Variants in CMIP observed in about 807,000 individuals in gnomAD.
CMIP encodes C-Maf-inducing protein.
A neutral mutation model predicts 97.3 loss-of-function variants in CMIP; 13 were observed. The ratio of observed to expected loss-of-function variants is 0.13; its 90% CI spans 0.09 to 0.21. The LOEUF (loss-of-function observed/expected upper bound fraction) is 0.21, where lower values mean the gene tolerates loss of function less well. CMIP is among the 10% of genes least tolerant of loss of function. CMIP has a pLI of 1.00. For synonymous variants in CMIP, 538 were observed against 436.3 expected (o/e 1.23, Z -2.91); for missense variants, 847 against 1,024.9 (o/e 0.83, Z 2.37).
intron 3 of CMIP, among the ~76,000 whole-genome samples, chr16:81,650,161 C>A (rs1336752890): frequency 6.6e-6 from 1 of 152,176 alleles, no homozygotes; most frequent in African/African-American, 2.4e-5. Context: ...TGTACACTCA[C>A]CCCCGACAAC....
At chr16:81,472,077 C>G (rs559402293) in intron 1 of CMIP, among the ~76,000 whole-genome samples, 40 of 152,296 alleles carry the variant, frequency 2.6e-4, no homozygotes, top group African/African-American at 9.1e-4. Flanking sequence ...GCCGTGTACA[C>G]ACACACTCAC....
chr16:81,529,219 A>C (rs1202047282), intron 1 of CMIP, among the ~76,000 whole-genome samples: 2 of 152,256 alleles, frequency 1.3e-5, no homozygotes, highest in Non-Finnish European at 2.9e-5. Flanking sequence ...TCTGGAGGTC[A>C]CAATGCTATT....
At chr16:81,522,767 A>G (rs995502241) in intron 1 of CMIP, among the ~76,000 whole-genome samples, 2 of 152,096 alleles carry the variant, frequency 1.3e-5, no homozygotes, top group African/African-American at 2.4e-5. Context: ...GAAATAAAAC[A>G]TTACTGGAAA....
At chr16:81,693,925 C>A (rs1906402960) in intron 13 of CMIP, among the ~76,000 whole-genome samples, 1 of 152,228 alleles carries the variant, frequency 6.6e-6, no homozygotes, top group African/African-American at 2.4e-5. Context: ...GTGTCCCTCA[C>A]CAAAGCTGGG....
intron 1 of CMIP, among the ~76,000 whole-genome samples, chr16:81,468,657 A>G (rs999824058): frequency 1.6e-4 from 24 of 152,170 alleles, no homozygotes; most frequent in African/African-American, 5.6e-4. Context: ...GGGAGAAGAG[A>G]GTTATGGACA....
chr16:81,687,224 C>T (rs917974257), intron 10 of CMIP, among the ~76,000 whole-genome samples: 1 of 152,210 alleles, frequency 6.6e-6, no homozygotes, highest in Admixed American at 6.5e-5. Flanking sequence ...AGCCATCCAC[C>T]CAGCCCGGGG....
At chr16:81,451,763 G>A (rs183313746) in intron 1 of CMIP, among the ~76,000 whole-genome samples, 98 of 152,264 alleles carry the variant, frequency 6.4e-4, no homozygotes, top group Admixed American at 3.9e-3. Context: ...ACAGAACAAG[G>A]GTCTGTGCAG....
At chr16:81,625,418 T>A (rs1438526158) in intron 3 of CMIP, among the ~76,000 whole-genome samples, 4 of 152,270 alleles carry the variant, frequency 2.6e-5, no homozygotes, top group Non-Finnish European at 4.4e-5. Flanking sequence ...CAGATGTACC[T>A]CCTGGCTCAT....
Position 81,453,159 on chromosome 16 carries a change from A to T in CMIP, c.300+7618A>T, listed in dbSNP as rs183994587. 2.6e-5 allele frequency among the ~76,000 whole-genome samples: 4 copies of T among 152,248 alleles called. No individual in the cohort carries two copies. Among genetic ancestry groups the T allele is most frequent in the South Asian group, 2.1e-4 (1 of 4,824 alleles). On this transcript the variant is annotated intron_variant, in intron 1 of 20. Transcript: ENST00000537098. The surrounding 1 kb of genome is among the most constrained non-coding windows in gnomAD (Gnocchi z 4.0). ...GGCTCAGCAGCCCACCTGGGATTCA[A>T]ACCCAGACTCCTGCCTTCCCATGGC...
chr16:81,507,953 T>TG (rs751985989), intron 1 of CMIP, among the ~76,000 whole-genome samples: 1 of 152,208 alleles, frequency 6.6e-6, no homozygotes, highest in Non-Finnish European at 1.5e-5. Context: ...TTGCCTTTCT[T>TG]GGTTTATTTC....
At chr16:81,565,183 AAGAC>A (rs2090957270) in intron 1 of CMIP, among the ~76,000 whole-genome samples, 1 of 152,192 alleles carries the variant, frequency 6.6e-6, no homozygotes, top group Non-Finnish European at 1.5e-5. Context: ...CCCAGCCCCA[AAGAC>A]AGGGCAGTAT....
Position 81,469,053 on chromosome 16 carries a change from C to A in CMIP, c.300+23512C>A, listed in dbSNP as rs562347903. Among the ~76,000 whole-genome samples the A allele has an allele frequency of 3.3e-5, 5 of 152,342 alleles. No individual in the cohort carries two copies. In the South Asian group the frequency reaches 1.0e-3, roughly 32 times the overall value. Reference sequence around the variant, plus strand: ...CCTAATTCTTTGCCCCGATTTGGATCAACCTTAGGCCCAAGAACCTGGCAA... The same window carrying A: ...CCTAATTCTTTGCCCCGATTTGGATAAACCTTAGGCCCAAGAACCTGGCAA... On this transcript the variant is annotated intron_variant, in intron 1 of 20. Transcript: ENST00000537098.
chr16:81,654,395 T>C (rs2092461491), intron 4 of CMIP, among the ~76,000 whole-genome samples: 1 of 152,216 alleles, frequency 6.6e-6, no homozygotes, highest in Non-Finnish European at 1.5e-5. Flanking sequence ...TGAGGGTGCT[T>C]CTTGGGCTTT....
At chr16:81,610,922 C>T (rs2091821580) in intron 2 of CMIP, among the ~76,000 whole-genome samples, 1 of 152,114 alleles carries the variant, frequency 6.6e-6, no homozygotes, top group African/African-American at 2.4e-5. Context: ...AGAACAACCC[C>T]TTTGGCCCTG....
chr16:81,670,936 C>G (rs1319545233), intron 8 of CMIP, among the ~76,000 whole-genome samples: 1 of 152,122 alleles, frequency 6.6e-6, no homozygotes, highest in Non-Finnish European at 1.5e-5. Flanking sequence ...TCAAGCAATT[C>G]TCCTGCCTCA....
chr16:81,617,015 C>G (rs530384844), intron 2 of CMIP: 2 of 152,490 alleles, frequency 1.3e-5, no homozygotes, highest in South Asian at 4.1e-4. Flanking sequence ...CCCAGTCTGG[C>G]AGGGCCAGAA....
rs774836578 is a variant in CMIP at position 81,708,736 on chromosome 16, G to T, written c.2269-1010G>T. Among the ~76,000 whole-genome samples, 3 of 152,236 alleles carry T rather than the reference G, an allele frequency of 2.0e-5. No homozygotes were observed. In the South Asian group the frequency reaches 6.2e-4, roughly 32 times the overall value. On this transcript the variant is annotated intron_variant, in intron 20 of 20. Coordinates refer to ENST00000537098, the MANE Select transcript of CMIP (RefSeq NM_198390.3). ...AGAACCTTGAAATCTAGATTCGTCT[G>T]TGAAGTCTCCTAATTTTGAAAGGCT...
intron 4 of CMIP, among the ~76,000 whole-genome samples, chr16:81,653,639 GCAGGTGC>G (rs1369900124): frequency 2.0e-5 from 3 of 152,226 alleles, no homozygotes; most frequent in Non-Finnish European, 4.4e-5. Flanking sequence ...AGTAAGCCAG[GCAGGTGC>G]CAGGTGCCAC....
At chr16:81,617,904 C>T (rs2091941592) in intron 2 of CMIP, among the ~76,000 whole-genome samples, 1 of 152,216 alleles carries the variant, frequency 6.6e-6, no homozygotes, top group South Asian at 2.1e-4. Context: ...ATACAGGGCA[C>T]TTTGGCGGGG....
Sources: allele counts gnomAD v4.1 joint callset (sites outside exome capture counted in the v4.1 genomes callset), GRCh38; gene constraint gnomAD v4.1.1; non-coding constraint Gnocchi (gnomAD v3.1); transcripts MANE v1.5; gene names NCBI Gene and HGNC (gene_info 2026-07-23, HGNC 2026-07-21).